TIRAP: variants seen among roughly 807,000 people sequenced by gnomAD.
TIRAP encodes the protein TIR domain containing adaptor protein.
In TIRAP, 20 loss-of-function variants were observed where a neutral mutation model predicts 19.8. That is an observed-to-expected ratio of 1.01 (90% CI 0.71 to 1.47). TIRAP has a LOEUF of 1.47. Ranked by LOEUF, TIRAP falls within the 40% of genes most tolerant of loss-of-function variation. TIRAP has a pLI of 0.00. For missense variants in TIRAP, 276 were observed against 285.1 expected (o/e 0.97, Z 0.23); for synonymous variants, 125 against 121.7 (o/e 1.03, Z -0.18).
rs758642937 is a variant in TIRAP at position 126,293,080 on chromosome 11, G to A, written c.646+25G>A. 1.4e-5 allele frequency: 22 copies of A among 1,613,892 alleles called. No homozygotes were observed. The East Asian group carries it at 4.7e-4, about 34-fold the overall frequency. On this transcript the variant is annotated intron_variant, in intron 4 of 4. Coordinates refer to ENST00000392679, the MANE Select transcript of TIRAP (RefSeq NM_001318777.2). Reference sequence around the variant, plus strand: ...TGTAAGCTACTACAGGAGGGAGAAGGGGAACGGGATTCAGCTACAGTATCT... The same window carrying A: ...TGTAAGCTACTACAGGAGGGAGAAGAGGAACGGGATTCAGCTACAGTATCT...
At chr11:126,284,638 G>A (rs911376414) in intron 1 of TIRAP, among the ~76,000 whole-genome samples, 2 of 151,836 alleles carry the variant, frequency 1.3e-5, no homozygotes, top group African/African-American at 2.4e-5. Context: ...GGCAGATTAC[G>A]AGGTCAGGAG....
At chr11:126,289,568 G>C in intron 1 of TIRAP, 3 of 843,666 alleles carry the variant, frequency 3.6e-6, no homozygotes, top group Non-Finnish European at 4.3e-6. Flanking sequence ...GTGAGCCATT[G>C]TGCCTGGCCA....
rs998496867 is a variant in TIRAP, at chr11:126,287,202, G to A, written c.-216-3260G>A. 3.9e-5 allele frequency among the ~76,000 whole-genome samples: 6 copies of A among 152,080 alleles called. No individual in the cohort carries two copies. The highest frequency in any genetic ancestry group is 1.3e-4 in the Admixed American group (2 of 15,248). ...TAGTGATTCCTGCTTAACAGAAATC[G>A]AATATGAACTCTAAGAGATACATAT... On this transcript the variant is annotated intron_variant, in intron 1 of 4. Coordinates refer to ENST00000392679, the MANE Select transcript of TIRAP (RefSeq NM_001318777.2). The surrounding 1 kb of genome is among the most constrained non-coding windows in gnomAD (Gnocchi z 4.2).
chr11:126,292,573 GC>G lies in TIRAP; in HGVS notation c.167del (p.Pro56HisfsTer74). On this transcript the variant is annotated frameshift_variant, in exon 4 of 5. Transcript: ENST00000392679. LOFTEE classifies it high-confidence loss of function. ...SDASQPTSQD[S>X]PLPPSLSSVT... Reference sequence around the variant, plus strand: ...GCTTCACAGCCTACCTCACAGGACAGCCCACTACCCCCAAGCCTCAGCTCAG... The same window carrying G: ...GCTTCACAGCCTACCTCACAGGACAGCCACTACCCCCAAGCCTCAGCTCAG... 1 of 1,614,012 alleles carries G rather than the reference GC, an allele frequency of 6.2e-7. No individual in the cohort carries two copies. The highest frequency in any genetic ancestry group is 8.5e-7 in the Non-Finnish European group (1 of 1,180,020).
rs1033190700 is a variant in TIRAP at position 126,290,214 on chromosome 11, A to C, written c.-216-248A>C. On this transcript the variant is annotated intron_variant, in intron 1 of 4. Coordinates refer to ENST00000392679, the MANE Select transcript of TIRAP (RefSeq NM_001318777.2). This position sits in a 1 kb window ranked among gnomAD's most constrained non-coding sequence, Gnocchi z 4.9. ...AGCAAGGTGGCCAAAGGTCACGGTT[A>C]ACCAGAGATGAGAATCAGGCACTCT... Among the ~76,000 whole-genome samples the C allele has an allele frequency of 2.0e-5, 3 of 152,218 alleles. No individual in the cohort carries two copies. Among genetic ancestry groups the C allele is most frequent in the African/African-American group, 7.2e-5 (3 of 41,470 alleles).
chr11:126,286,054 GAAAA>G (rs1182840430), intron 1 of TIRAP, among the ~76,000 whole-genome samples: 1 of 48,324 alleles, frequency 2.1e-5, no homozygotes, highest in Non-Finnish European at 3.9e-5. Flanking sequence ...ACCCTCTCTG[GAAAA>G]AAAAAAAAAA....
intron 1 of TIRAP, among the ~76,000 whole-genome samples, chr11:126,283,512 G>A (rs527632744): frequency 9.8e-5 from 15 of 152,348 alleles, no homozygotes; most frequent in African/African-American, 3.6e-4. Flanking sequence ...TCCGGTCACA[G>A]CCTCTTCCTC....
chr11:126,286,054 G>GAAAA (rs1182840430), intron 1 of TIRAP, among the ~76,000 whole-genome samples: 1 of 48,360 alleles, frequency 2.1e-5, no homozygotes, highest in African/African-American at 8.5e-5. Flanking sequence ...ACCCTCTCTG[G>GAAAA]AAAAAAAAAA....
Position 126,294,682 on chromosome 11 carries a change from C to A in TIRAP, c.*995C>A. On this transcript the variant is annotated 3_prime_UTR_variant, in exon 5 of 5. Transcript: ENST00000392679. ...CTGAAATGAATTTCATTATTTCCTCCAATGTGTACTTTTGTGCCCCCCTCT... is the reference window on the plus strand; with the variant it reads ...CTGAAATGAATTTCATTATTTCCTCAAATGTGTACTTTTGTGCCCCCCTCT... The A allele has an allele frequency of 2.6e-6, 1 of 387,164 alleles. No individual in the cohort carries two copies. Among genetic ancestry groups the A allele is most frequent in the Non-Finnish European group, 5.2e-6 (1 of 191,346 alleles). 24.0% of individuals were successfully genotyped at this position (387,164 alleles called of 1,614,324 possible). A position where few individuals can be genotyped will look rare whatever the true frequency, so the allele number is the denominator to read the frequency against.
At chr11:126,285,794 T>A (rs1365759055) in intron 1 of TIRAP, among the ~76,000 whole-genome samples, 1 of 151,416 alleles carries the variant, frequency 6.6e-6, no homozygotes, top group Non-Finnish European at 1.5e-5. Flanking sequence ...TCCCAGCACT[T>A]TGGGAGGCTG....
Position 126,293,652 on chromosome 11 carries a change from G to A in TIRAP, c.647-16G>A. On this transcript the variant is annotated splice_polypyrimidine_tract_variant and intron_variant, in intron 4 of 4. Transcript: ENST00000392679. ...GGTTTGGGAGGTGTGACAACGCTGT[G>A]ATTGGTCTCTTTCAGATCTGCAGAC... The A allele has an allele frequency of 6.2e-7, 1 of 1,613,988 alleles. No individual in the cohort carries two copies.
chr11:126,288,119 A>T lies in TIRAP; in HGVS notation c.-216-2343A>T, dbSNP rs1951341824. Among the ~76,000 whole-genome samples the T allele has an allele frequency of 1.3e-5, 2 of 152,092 alleles. No individual in the cohort carries two copies. Among genetic ancestry groups the T allele is most frequent in the African/African-American group, 4.8e-5 (2 of 41,424 alleles). ...GGTCTGGAACTCCTGAGCTCACATGATCTGCCCACCTCGGCCTCCCAAAGT... is the reference window on the plus strand; with the variant it reads ...GGTCTGGAACTCCTGAGCTCACATGTTCTGCCCACCTCGGCCTCCCAAAGT... On this transcript the variant is annotated intron_variant, in intron 1 of 4. Coordinates refer to ENST00000392679, the MANE Select transcript of TIRAP (RefSeq NM_001318777.2). The surrounding 1 kb of genome is among the most constrained non-coding windows in gnomAD (Gnocchi z 5.0).
chr11:126,284,033 C>CTTTTTTTT (rs749115228), intron 1 of TIRAP, among the ~76,000 whole-genome samples: 2 of 113,172 alleles, frequency 1.8e-5, no homozygotes, highest in Non-Finnish European at 1.7e-5. Flanking sequence ...TCATGTACTT[C>CTTTTTTTT]TTTTTTTTTT....
At position 126,292,676 on chromosome 11, in the gene TIRAP, C is replaced by T. The variant is rs200442139; in HGVS notation, c.267C>T (p.Cys89=). The change falls in exon 4 of 5, where the codon TGC becomes TGT. Residue 89 remains cysteine (C), a synonymous_variant. Transcript: ENST00000392679. The part of the protein sequence containing the change: ...SSRWSKDYDV[C]VCHSEEDLVA... ...GCTGGAGCAAAGACTATGACGTCTG[C>T]GTGTGCCACAGTGAGGAAGACCTGG... is the stretch of plus-strand genomic sequence containing the variant. 1.1e-5 allele frequency: 18 copies of T among 1,613,926 alleles called. No individual in the cohort carries two copies. The highest frequency in any genetic ancestry group is 3.3e-5 in the Admixed American group (2 of 59,998).
intron 1 of TIRAP, among the ~76,000 whole-genome samples, chr11:126,289,988 T>C (rs1400759780): frequency 6.6e-6 from 1 of 152,216 alleles, no homozygotes; most frequent in Non-Finnish European, 1.5e-5. Context: ...AACGTTAACA[T>C]TACAAGTTTA....
At chr11:126,284,126 T>G (rs573880729) in intron 1 of TIRAP, among the ~76,000 whole-genome samples, 277 of 147,088 alleles carry the variant, frequency 1.9e-3, no homozygotes, top group Non-Finnish European at 2.2e-3. Context: ...AGCCTCCGCC[T>G]TGTGGGTTCA....
chr11:126,289,638 G>T, intron 1 of TIRAP: 1 of 985,112 alleles, frequency 1.0e-6, no homozygotes, highest in Non-Finnish European at 1.2e-6. Context: ...GCTTCCATGA[G>T]TTCTCAGGTT....
Position 126,291,287 on chromosome 11 carries a change from G to A in TIRAP, c.67+326G>A, listed in dbSNP as rs772639659. On this transcript the variant is annotated intron_variant, in intron 3 of 4. Coordinates refer to ENST00000392679, the MANE Select transcript of TIRAP (RefSeq NM_001318777.2). The surrounding 1 kb of genome is among the most constrained non-coding windows in gnomAD (Gnocchi z 5.6). The stretch of plus-strand genomic sequence containing the variant: ...CTTTGTTCCAGAACCATTTAGAGGA[G>A]AAGCCAAGCAGAGAGAGAAAATGAA... 8 of 567,378 alleles carry A rather than the reference G, an allele frequency of 1.4e-5. No individual in the cohort carries two copies. The highest frequency in any genetic ancestry group is 2.4e-5 in the Non-Finnish European group (8 of 332,162). 35.1% of individuals were successfully genotyped at this position (567,378 alleles called of 1,614,324 possible).
At position 126,290,829 on chromosome 11, in the gene TIRAP, G is replaced by A. The variant is rs149049403; in HGVS notation, c.-66G>A. 159 of 1,544,368 alleles carry A rather than the reference G, an allele frequency of 1.0e-4. 1 individual carries two copies. The East Asian group carries it at 3.7e-3, about 36-fold the overall frequency. ...ATGGCTGCTCCATGAGGTCAAGACT[G>A]GGTCTCCTCCCTCCTCCCCCTTCAC... On this transcript the variant is annotated 5_prime_UTR_variant, in exon 3 of 5. Transcript: ENST00000392679. The surrounding 1 kb of genome is among the most constrained non-coding windows in gnomAD (Gnocchi z 4.9).
Sources: allele counts gnomAD v4.1 joint callset (sites outside exome capture counted in the v4.1 genomes callset), GRCh38; gene constraint gnomAD v4.1.1; non-coding constraint Gnocchi (gnomAD v3.1); transcripts MANE v1.5; gene names NCBI Gene and HGNC (gene_info 2026-07-23, HGNC 2026-07-21).